SHROOM4: variants seen among roughly 807,000 people sequenced by gnomAD.
SHROOM4 encodes the protein shroom family member 4.
A neutral mutation model predicts 80.3 loss-of-function variants in SHROOM4; 17 were observed. The observed-to-expected ratio is 0.21, with a 90% confidence interval of 0.14 to 0.32. SHROOM4 has a LOEUF of 0.32. Ranked by LOEUF, SHROOM4 falls within the 10% of genes least tolerant of loss-of-function variation. SHROOM4 has a pLI of 1.00. For missense variants in SHROOM4, 993 were observed against 1,140.3 expected, an observed-to-expected ratio of 0.87 and a Z score of 1.86; for synonymous variants, 400 against 437.5, an observed-to-expected ratio of 0.91 and a Z score of 1.07.
At chrX:50,757,262 A>T (rs1935057209) in intron 1 of SHROOM4, among the ~76,000 whole-genome samples, 1 of 111,733 alleles carries the variant, frequency 8.9e-6, no homozygotes, top group Non-Finnish European at 1.9e-5. Context: ...TTCCCTTTGA[A>T]TTTTCTTGGC....
chrX:50,580,213 A>G, the SHROOM4 span, among the ~76,000 whole-genome samples: 1 of 112,094 alleles, frequency 8.9e-6, no homozygotes, highest in Non-Finnish European at 1.9e-5. Flanking sequence ...TGGGTCACCG[A>G]CTTGAGTGTA....
chrX:50,632,436 G>A (rs1931111572), intron 4 of SHROOM4, among the ~76,000 whole-genome samples: 1 of 112,072 alleles, frequency 8.9e-6, no homozygotes. Flanking sequence ...ATCTGGCAGT[G>A]AGTAGGCAAG....
At chrX:50,717,276 GGT>G (rs1933982145) in intron 1 of SHROOM4, among the ~76,000 whole-genome samples, 1 of 111,704 alleles carries the variant, frequency 9.0e-6, no homozygotes, top group Non-Finnish European at 1.9e-5. Context: ...GCAGTGCATT[GGT>G]GCGATCTCAG....
chrX:50,680,665 A>G (rs782358859), intron 2 of SHROOM4, among the ~76,000 whole-genome samples: 1 of 111,401 alleles, frequency 9.0e-6, no homozygotes, highest in Admixed American at 9.6e-5. Context: ...AGGAATTTTT[A>G]TATTAATACC....
At chrX:50,639,457 A>C (rs1931501056) in intron 2 of SHROOM4, among the ~76,000 whole-genome samples, 1 of 111,972 alleles carries the variant, frequency 8.9e-6, no homozygotes, top group African/African-American at 3.2e-5. Flanking sequence ...ATGACAGAGA[A>C]AGAGGTGAAT....
At position 50,635,295 on chromosome X, in the gene SHROOM4, C is replaced by A; in HGVS notation, c.778G>T (p.Glu260Ter). The change falls in exon 4 of 9, where the codon GAG becomes TAG. Residue 260 changes from glutamate to a stop codon, truncating the protein, a stop_gained. Coordinates refer to ENST00000376020, the MANE Select transcript of SHROOM4 (RefSeq NM_020717.5). LOFTEE classifies it high-confidence loss of function. ...TTGGCGGGCCCTGACTGGTATCCCT[C>A]CTGTGGACGGGATGACATCTGAGAG... ...PSSQMSSRPQ[E>*]GYQSGPAKAV... 1.7e-6 allele frequency: 2 copies of A among 1,201,046 alleles called. No homozygotes were observed. The highest frequency in any genetic ancestry group is 3.0e-5 in the East Asian group (1 of 33,352).
Position 50,757,932 on chromosome X carries a change from C to T in SHROOM4, c.117+55970G>A, listed in dbSNP as rs560975852. On this transcript the variant is annotated intron_variant, in intron 1 of 8. Transcript: ENST00000376020. ...AATATTATATCTTCTAATTCACAAA[C>T]ATGGGATATCTTTCTACTTATTTAA... Among the ~76,000 whole-genome samples the T allele has an allele frequency of 4.9e-4, 54 of 111,198 alleles. No homozygotes were observed. In the South Asian group the frequency reaches 0.02, roughly 42 times the overall value.
At chrX:50,631,349 C>T (rs1931057137) in intron 4 of SHROOM4, among the ~76,000 whole-genome samples, 1 of 111,756 alleles carries the variant, frequency 8.9e-6, no homozygotes, top group South Asian at 3.7e-4. Flanking sequence ...ACATCCACTT[C>T]TGATGAAAAC....
At chrX:50,580,886 C>T in the SHROOM4 span, among the ~76,000 whole-genome samples, 1 of 112,421 alleles carries the variant, frequency 8.9e-6, no homozygotes, top group Admixed American at 9.4e-5. Flanking sequence ...TTAAAGTTAA[C>T]TCTCTTGTTC....
chrX:50,648,278 A>G (rs1410089959), intron 2 of SHROOM4, among the ~76,000 whole-genome samples: 5 of 111,906 alleles, frequency 4.5e-5, no homozygotes, highest in Non-Finnish European at 9.4e-5. Context: ...TGAGGAAAAA[A>G]GAATGAGCTA....
chrX:50,579,371 T>C, the SHROOM4 span, among the ~76,000 whole-genome samples: 1 of 112,208 alleles, frequency 8.9e-6, no homozygotes, highest in African/African-American at 3.2e-5. Flanking sequence ...TCAACAGAAC[T>C]GAGAAGTTAA....
At chrX:50,742,624 T>C (rs1455574686) in intron 1 of SHROOM4, among the ~76,000 whole-genome samples, 1 of 41,639 alleles carries the variant, frequency 2.4e-5, no homozygotes, top group Non-Finnish European at 4.4e-5. Context: ...ATAATTGGAG[T>C]GGGGTTATGA....
chrX:50,598,254 C>A lies in SHROOM4; in HGVS notation c.4212+12G>T, dbSNP rs1557247017. 1 of 1,211,461 alleles carries A rather than the reference C, an allele frequency of 8.3e-7. No individual in the cohort carries two copies. The highest frequency in any genetic ancestry group is 2.2e-5 in the Admixed American group (1 of 45,969). ...TTTCCCTCTACCCACACCCCACAGACCCCAACTCTACCTTCTCCTGGTTGG... is the reference window on the plus strand; with the variant it reads ...TTTCCCTCTACCCACACCCCACAGAACCCAACTCTACCTTCTCCTGGTTGG... On this transcript the variant is annotated intron_variant, in intron 8 of 8. Coordinates refer to ENST00000376020, the MANE Select transcript of SHROOM4 (RefSeq NM_020717.5).
intron 2 of SHROOM4, among the ~76,000 whole-genome samples, chrX:50,674,928 C>T (rs781830308): frequency 1.1e-3 from 121 of 111,813 alleles, no homozygotes; most frequent in African/African-American, 3.8e-3. Context: ...GGACGGAGCT[C>T]TCCTGTAGGG....
At chrX:50,680,755 T>C (rs1932925908) in intron 2 of SHROOM4, among the ~76,000 whole-genome samples, 1 of 111,503 alleles carries the variant, frequency 9.0e-6, no homozygotes, top group Admixed American at 9.6e-5. Context: ...AATTTAAATA[T>C]TTAACCTTGA....
At chrX:50,641,863 C>T (rs945647549) in intron 2 of SHROOM4, among the ~76,000 whole-genome samples, 8 of 112,482 alleles carry the variant, frequency 7.1e-5, no homozygotes, top group Non-Finnish European at 1.1e-4. Context: ...CCACCCGCTT[C>T]GGCCTCCCAA....
chrX:50,641,128 A>G (rs1931581828), intron 2 of SHROOM4, among the ~76,000 whole-genome samples: 1 of 112,034 alleles, frequency 8.9e-6, no homozygotes, highest in East Asian at 2.8e-4. Context: ...CTCCTCCAGG[A>G]AGCTTGTTCA....
At chrX:50,610,501 A>G (rs1929922593) in intron 5 of SHROOM4, among the ~76,000 whole-genome samples, 2 of 111,326 alleles carry the variant, frequency 1.8e-5, no homozygotes, top group East Asian at 2.8e-4. Flanking sequence ...ATTCTACTTC[A>G]TTCTTTGAGT....
intron 5 of SHROOM4, among the ~76,000 whole-genome samples, chrX:50,608,504 G>C (rs1012213433): frequency 9.0e-6 from 1 of 110,608 alleles, no homozygotes; most frequent in Non-Finnish European, 1.9e-5. Context: ...TAACTTGCCT[G>C]GGGTCATAAA....
Sources: allele counts gnomAD v4.1 joint callset (sites outside exome capture counted in the v4.1 genomes callset), GRCh38; gene constraint gnomAD v4.1.1; transcripts MANE v1.5; gene names NCBI Gene and HGNC (gene_info 2026-07-23, HGNC 2026-07-21).